The following PALLD variants were observed in gnomAD, a reference collection of about 807,000 sequenced individuals.
PALLD encodes the protein palladin.
In PALLD, 61 loss-of-function variants were observed where a neutral mutation model predicts 123.5. The ratio of observed to expected loss-of-function variants is 0.49; its 90% CI spans 0.40 to 0.61. The LOEUF is 0.61. Ranked by LOEUF, PALLD falls within the 20% of genes least tolerant of loss-of-function variation. PALLD has a pLI of 0.00. For missense variants in PALLD, 1,273 were observed against 1,377.0 expected, an observed-to-expected ratio of 0.92 and a Z score of 1.20; for synonymous variants, 465 against 496.4, an observed-to-expected ratio of 0.94 and a Z score of 0.84.
intron 10 of PALLD, among the ~76,000 whole-genome samples, chr4:168,830,384 G>C (rs763670281): frequency 6.6e-6 from 1 of 151,894 alleles, no homozygotes; most frequent in South Asian, 2.1e-4. Flanking sequence ...TTTTAAATTA[G>C]CTGGGTATGA....
intron 17 of PALLD, among the ~76,000 whole-genome samples, chr4:168,916,329 T>C (rs1760080363): frequency 6.6e-6 from 1 of 152,118 alleles, no homozygotes; most frequent in Non-Finnish European, 1.5e-5. Flanking sequence ...GAAGGACTGC[T>C]TGAGCCTAGG....
At chr4:168,708,819 A>C (rs1784456692) in intron 8 of PALLD, among the ~76,000 whole-genome samples, 1 of 152,104 alleles carries the variant, frequency 6.6e-6, no homozygotes, top group Non-Finnish European at 1.5e-5. Context: ...GTCCAACATC[A>C]CAAAGAATGG....
At chr4:168,644,471 A>G (rs925372520) in intron 2 of PALLD, among the ~76,000 whole-genome samples, 1 of 152,178 alleles carries the variant, frequency 6.6e-6, no homozygotes, top group Non-Finnish European at 1.5e-5. Context: ...AATCCACCCA[A>G]TAAACAAATA....
At chr4:168,583,778 C>T (rs1275442397) in intron 2 of PALLD, among the ~76,000 whole-genome samples, 3 of 152,168 alleles carry the variant, frequency 2.0e-5, no homozygotes, top group Admixed American at 6.6e-5. Flanking sequence ...TTACTCTATA[C>T]TTCTGCTCTG....
intron 2 of PALLD, among the ~76,000 whole-genome samples, chr4:168,521,572 T>C (rs1763568537): frequency 6.6e-6 from 1 of 152,232 alleles, no homozygotes; most frequent in Non-Finnish European, 1.5e-5. Context: ...TGTTATTGAC[T>C]TAGAATAAAC....
intron 2 of PALLD, among the ~76,000 whole-genome samples, chr4:168,580,429 C>A (rs947056721): frequency 6.6e-6 from 1 of 151,828 alleles, no homozygotes; most frequent in Non-Finnish European, 1.5e-5. Flanking sequence ...AGTGAGATAC[C>A]GTCTCACACC....
chr4:168,625,654 T>C (rs1012231071), intron 2 of PALLD, among the ~76,000 whole-genome samples: 2 of 151,714 alleles, frequency 1.3e-5, no homozygotes, highest in Admixed American at 1.3e-4. Flanking sequence ...CCAACAAGCA[T>C]ATGGAAAGAT....
At chr4:168,638,588 C>T (rs1776580178) in intron 2 of PALLD, among the ~76,000 whole-genome samples, 1 of 152,198 alleles carries the variant, frequency 6.6e-6, no homozygotes, top group Admixed American at 6.5e-5. Flanking sequence ...TTATTGCTCA[C>T]AGTTCTGAAG....
At chr4:168,903,215 C>T (rs1381584197) in intron 14 of PALLD, among the ~76,000 whole-genome samples, 2 of 152,206 alleles carry the variant, frequency 1.3e-5, no homozygotes, top group South Asian at 4.2e-4. Flanking sequence ...AGTAGTATTC[C>T]ACCCATCACC....
chr4:168,883,253 G>A (rs1267024712), intron 10 of PALLD, among the ~76,000 whole-genome samples: 1 of 151,972 alleles, frequency 6.6e-6, no homozygotes, highest in Non-Finnish European at 1.5e-5. Flanking sequence ...TTGCTTTACC[G>A]TAAAATTCAG....
At chr4:168,565,340 A>C (rs1017627410) in intron 2 of PALLD, among the ~76,000 whole-genome samples, 4 of 152,164 alleles carry the variant, frequency 2.6e-5, no homozygotes, top group African/African-American at 9.7e-5. Flanking sequence ...ATATTTAGAG[A>C]CCATTCCATG....
At chr4:168,792,829 C>T (rs1359815856) in intron 10 of PALLD, among the ~76,000 whole-genome samples, 2 of 149,716 alleles carry the variant, frequency 1.3e-5, no homozygotes, top group Non-Finnish European at 1.5e-5. Flanking sequence ...TGCAGTGGTG[C>T]GATCTTGGCT....
chr4:168,758,025 C>T (rs984780321), intron 10 of PALLD, among the ~76,000 whole-genome samples: 2 of 152,182 alleles, frequency 1.3e-5, no homozygotes, highest in African/African-American at 4.8e-5. Context: ...AAGCTGAGAT[C>T]ACGCAACTAC....
At chr4:168,763,117 C>A (rs759833546) in intron 10 of PALLD, among the ~76,000 whole-genome samples, 12 of 152,080 alleles carry the variant, frequency 7.9e-5, no homozygotes, top group Non-Finnish European at 1.8e-4. Context: ...CACATGTATA[C>A]CTATGTAACA....
rs777169473 is a variant in PALLD, at chr4:168,511,907, C to T, written c.403C>T (p.Arg135Trp). The change falls in exon 2 of 22, where the codon CGG (arginine) becomes TGG (tryptophan). Residue 135 changes from arginine (R) to tryptophan (W), a missense_variant. Arg to Trp is a moderately radical substitution (Grantham distance 101, BLOSUM62 -3). This residue lies in a region of PALLD where 944 missense variants were observed against 954.5 expected (regional missense o/e 0.99). Transcript: ENST00000505667. ...CCTGCTCACCAGGCCCAGCTACATCCGGAGCCTCCGAAAGGCTGAAAAGCG... is the reference window on the plus strand; with the variant it reads ...CCTGCTCACCAGGCCCAGCTACATCTGGAGCCTCCGAAAGGCTGAAAAGCG... ...SPLLTRPSYIRSLRKAEKRGA... is the reference protein window; with the variant it reads ...SPLLTRPSYIWSLRKAEKRGA... The T allele has an allele frequency of 4.3e-6, 7 of 1,614,034 alleles. No homozygotes were observed. Among genetic ancestry groups the T allele is most frequent in the Non-Finnish European group, 5.9e-6 (7 of 1,180,034 alleles).
chr4:168,558,494 A>G (rs989007756), intron 2 of PALLD, among the ~76,000 whole-genome samples: 2 of 152,082 alleles, frequency 1.3e-5, no homozygotes, highest in Admixed American at 6.6e-5. Flanking sequence ...CTCTTTCACA[A>G]ACAGAAACGT....
At chr4:168,671,671 A>G (rs1263041586) in intron 3 of PALLD, among the ~76,000 whole-genome samples, 2 of 152,224 alleles carry the variant, frequency 1.3e-5, no homozygotes, top group Non-Finnish European at 2.9e-5. Flanking sequence ...ATCCCTAAGA[A>G]CAGTTATGTG....
chr4:168,666,655 G>A (rs187347910), intron 2 of PALLD, among the ~76,000 whole-genome samples: 1 of 152,276 alleles, frequency 6.6e-6, no homozygotes, highest in Admixed American at 6.5e-5. Context: ...CAAGTTATAT[G>A]AAAACCCACA....
chr4:168,542,673 A>C (rs200639501), intron 2 of PALLD, among the ~76,000 whole-genome samples: 40,571 of 133,714 alleles, frequency 0.3, 7,084 homozygotes, highest in Non-Finnish European at 0.35. Flanking sequence ...CTCTCTCTAT[A>C]TATATATATA....
Sources: gnomAD v4.1 joint callset for allele counts (sites outside exome capture counted in the v4.1 genomes callset) on GRCh38, gnomAD v4.1.1 for gene constraint, gnomAD v4.1.1 regional missense constraint, MANE v1.5 for transcripts, NCBI Gene and HGNC (gene_info 2026-07-23, HGNC 2026-07-21) for gene names.